The following ACYP2 variants were observed in gnomAD, a reference collection of about 807,000 sequenced individuals.
The protein encoded by ACYP2 is acylphosphatase-2.
Under a neutral mutation model 11.2 loss-of-function variants are expected in ACYP2, and 12 were observed. That is an observed-to-expected ratio of 1.08 (90% CI 0.69 to 1.74). The LOEUF (loss-of-function observed/expected upper bound fraction) is 1.74. Ranked by LOEUF, ACYP2 falls within the 40% of genes most tolerant of loss-of-function variation. ACYP2 has a pLI of 0.00. For synonymous variants in ACYP2, 43 were observed against 32.2 expected (o/e 1.33, Z -1.13); for missense variants, 134 against 101.9 (o/e 1.31, Z -1.35).
At chr2:54,170,646 G>C (rs746592987) in intron 6 of ACYP2, among the ~76,000 whole-genome samples, 1 of 151,974 alleles carries the variant, frequency 6.6e-6, no homozygotes, top group Non-Finnish European at 1.5e-5. Flanking sequence ...AGCTAGATGG[G>C]AAAATCTTGT....
At chr2:54,078,692 T>G (rs939914925) in intron 4 of ACYP2, among the ~76,000 whole-genome samples, 2 of 151,782 alleles carry the variant, frequency 1.3e-5, no homozygotes, top group Non-Finnish European at 2.9e-5. Context: ...CTCCGCCTCC[T>G]GGGTTCAAGC....
At chr2:54,122,219 A>G (rs1037630398) in intron 4 of ACYP2, among the ~76,000 whole-genome samples, 1 of 152,222 alleles carries the variant, frequency 6.6e-6, no homozygotes, top group African/African-American at 2.4e-5. Context: ...ATTTTACATG[A>G]AAAGGTGTTG....
chr2:54,119,051 CTTTTTTTTTTTT>C lies in ACYP2; in HGVS notation c.278-16381_278-16370del, dbSNP rs10542497. 3.6e-3 allele frequency among the ~76,000 whole-genome samples: 159 copies of C among 43,782 alleles called. 5 individuals are homozygous for C. In the East Asian group the frequency reaches 0.1, roughly 29 times the overall value. 28.7% of individuals were successfully genotyped at this position (43,782 alleles called of 152,430 possible). A position where few individuals can be genotyped will look rare whatever the true frequency, so the allele number is the denominator to read the frequency against. ...GAAGTGGGATTTGAATCTTAGTAGT[CTTTTTTTTTTTT>C]TTTTTTTTTTTTTTTTTTTTAACAG... On this transcript the variant is annotated intron_variant, in intron 4 of 6. Coordinates refer to ENST00000607452, the MANE Select transcript of ACYP2 (RefSeq NM_001320586.2).
intron 6 of ACYP2, among the ~76,000 whole-genome samples, chr2:54,249,826 C>A (rs1247486980): frequency 6.6e-6 from 1 of 151,392 alleles, no homozygotes; most frequent in Non-Finnish European, 1.5e-5. Context: ...TGCCTGTAGT[C>A]CCAGCTACTA....
At chr2:54,266,262 C>G (rs1301132707) in intron 6 of ACYP2, among the ~76,000 whole-genome samples, 2 of 152,136 alleles carry the variant, frequency 1.3e-5, no homozygotes, top group Non-Finnish European at 2.9e-5. Flanking sequence ...ACAAGATCCA[C>G]CAACACACTC....
At chr2:54,130,070 C>T (rs1680809987) in intron 4 of ACYP2, among the ~76,000 whole-genome samples, 1 of 151,900 alleles carries the variant, frequency 6.6e-6, no homozygotes, top group Admixed American at 6.6e-5. Context: ...GGTAAGTAAA[C>T]AAGACAGAAA....
chr2:54,300,834 C>T (rs371433055), intron 6 of ACYP2, among the ~76,000 whole-genome samples: 5 of 152,232 alleles, frequency 3.3e-5, no homozygotes, highest in African/African-American at 1.2e-4. Context: ...AAAAGTGCCT[C>T]TTTTCCTACA....
rs2302938 is a variant in ACYP2, at chr2:54,065,900, G to T, written c.277+8540G>T. On this transcript the variant is annotated intron_variant, in intron 4 of 6. Coordinates refer to ENST00000607452, the MANE Select transcript of ACYP2 (RefSeq NM_001320586.2). ...CAAGAGGAAATTGTAAAACTAATAC[G>T]TGCTGCTTACCGGTGTTCAGAGCCT... is the stretch of plus-strand genomic sequence containing the variant. The T allele has an allele frequency of 2.3e-3, 395 of 172,118 alleles. 8 individuals are homozygous for T. The East Asian group carries it at 0.036, about 16-fold the overall frequency. The allele number at this position is 172,118 out of a possible 1,614,324, so 10.7% of individuals were successfully genotyped here.
intron 6 of ACYP2, chr2:54,255,713 C>T (rs1230388648): frequency 3.7e-6 from 6 of 1,613,882 alleles, no homozygotes; most frequent in Non-Finnish European, 5.1e-6. Context: ...ACGTCCTCGG[C>T]CTTCCCCTCT....
chr2:53,985,910 A>G (rs1377081309), intron 2 of ACYP2, among the ~76,000 whole-genome samples: 1 of 152,060 alleles, frequency 6.6e-6, no homozygotes, highest in East Asian at 1.9e-4. Context: ...CCGAGGTGGG[A>G]GGAGTACTTG....
intron 1 of ACYP2, chr2:53,973,613 A>T (rs1165808117): frequency 5.1e-6 from 1 of 197,732 alleles, no homozygotes; most frequent in Non-Finnish European, 1.0e-5. Context: ...TGTGAGATCC[A>T]CCCCCTGCCC....
At chr2:54,230,275 C>T (rs181294947) in intron 6 of ACYP2, among the ~76,000 whole-genome samples, 6 of 152,294 alleles carry the variant, frequency 3.9e-5, no homozygotes, top group East Asian at 3.9e-4. Context: ...TTACAACCCC[C>T]GCTCTCTCTG....
At chr2:54,237,649 G>A (rs1686547689) in intron 6 of ACYP2, among the ~76,000 whole-genome samples, 1 of 152,120 alleles carries the variant, frequency 6.6e-6, no homozygotes, top group African/African-American at 2.4e-5. Context: ...CACCTTTGAT[G>A]TTAATCTGTC....
chr2:54,077,768 C>G (rs1572702459), intron 4 of ACYP2, among the ~76,000 whole-genome samples: 1 of 152,274 alleles, frequency 6.6e-6, no homozygotes, highest in East Asian at 1.9e-4. Context: ...CTGTGACTTT[C>G]CTAAGGTGTT....
intron 4 of ACYP2, among the ~76,000 whole-genome samples, chr2:54,126,006 G>T (rs1315944928): frequency 6.6e-6 from 1 of 152,120 alleles, no homozygotes; most frequent in Non-Finnish European, 1.5e-5. Flanking sequence ...GCTTGAACCT[G>T]GGAGAAGGAG....
chr2:54,128,722 C>CT (rs1366123239), intron 4 of ACYP2, among the ~76,000 whole-genome samples: 2 of 151,878 alleles, frequency 1.3e-5, no homozygotes, highest in Non-Finnish European at 1.5e-5. Flanking sequence ...CTTTTCCCCC[C>CT]TTTTTTAAAA....
At chr2:54,114,588 G>A (rs191538829) in intron 4 of ACYP2, among the ~76,000 whole-genome samples, 3 of 152,174 alleles carry the variant, frequency 2.0e-5, no homozygotes, top group Admixed American at 6.5e-5. Flanking sequence ...GAAGGCTGAG[G>A]CAGGACAATT....
chr2:54,222,640 C>T (rs1410790799), intron 6 of ACYP2, among the ~76,000 whole-genome samples: 2 of 152,062 alleles, frequency 1.3e-5, no homozygotes, highest in African/African-American at 4.8e-5. Flanking sequence ...CCAGAGGTCA[C>T]CCAGAATCAC....
At chr2:54,150,646 T>A (rs141247308) in intron 6 of ACYP2, among the ~76,000 whole-genome samples, 1 of 152,228 alleles carries the variant, frequency 6.6e-6, no homozygotes, top group Non-Finnish European at 1.5e-5. Flanking sequence ...GGTCTCCAAT[T>A]CCTGACCTGG....
Sources: gnomAD v4.1 joint callset for allele counts (sites outside exome capture counted in the v4.1 genomes callset) on GRCh38, gnomAD v4.1.1 for gene constraint, MANE v1.5 for transcripts, NCBI Gene and HGNC (gene_info 2026-07-23, HGNC 2026-07-21) for gene names.